Variants in KIAA1217 observed in about 807,000 individuals in gnomAD.
The protein encoded by KIAA1217 is sickle tail protein homolog.
KIAA1217 carries 88 observed loss-of-function variants against 163.9 expected under a neutral mutation model. The ratio of observed to expected loss-of-function variants is 0.54; its 90% CI spans 0.45 to 0.64. The LOEUF is 0.64. KIAA1217 is among the 30% of genes least tolerant of loss of function. The pLI, the probability that KIAA1217 is intolerant of heterozygous loss-of-function variation, is 0.00. For missense variants in KIAA1217, 2,372 were observed against 2,475.0 expected, an observed-to-expected ratio of 0.96 and a Z score of 0.88; for synonymous variants, 903 against 923.1, an observed-to-expected ratio of 0.98 and a Z score of 0.39.
chr10:23,896,089 A>G (rs527740093), intron 1 of KIAA1217, among the ~76,000 whole-genome samples: 123 of 151,948 alleles, frequency 8.1e-4, no homozygotes, highest in African/African-American at 2.7e-3. Flanking sequence ...ACATGTATAC[A>G]TATGTAACTA....
chr10:23,857,014 C>G (rs1259497425), intron 1 of KIAA1217, among the ~76,000 whole-genome samples: 2 of 152,206 alleles, frequency 1.3e-5, no homozygotes, highest in Non-Finnish European at 2.9e-5. Context: ...TGCGCTGCAC[C>G]CACTGTCCTG....
chr10:24,153,929 C>G (rs1247925468), intron 2 of KIAA1217, among the ~76,000 whole-genome samples: 2 of 151,818 alleles, frequency 1.3e-5, no homozygotes, highest in African/African-American at 4.8e-5. Context: ...ACCTGGGCAA[C>G]AGAGTAAGAC....
At chr10:24,390,271 G>T (rs547723527) in intron 3 of KIAA1217, among the ~76,000 whole-genome samples, 3 of 152,114 alleles carry the variant, frequency 2.0e-5, no homozygotes, top group Admixed American at 6.5e-5. Flanking sequence ...TGGAGGCTTG[G>T]CAGGGAGCTG....
chr10:24,062,234 C>T (rs2060752381), intron 2 of KIAA1217, among the ~76,000 whole-genome samples: 1 of 150,298 alleles, frequency 6.7e-6, no homozygotes, highest in Non-Finnish European at 1.5e-5. Flanking sequence ...GTGTGCTGCA[C>T]CCATTAACTC....
chr10:23,710,646 A>G (rs193069176), intron 1 of KIAA1217, among the ~76,000 whole-genome samples: 3 of 152,338 alleles, frequency 2.0e-5, no homozygotes, highest in South Asian at 4.1e-4. Context: ...TTTTTGGAAA[A>G]TTCATTATAT....
At chr10:24,067,551 C>A (rs920717807) in intron 2 of KIAA1217, among the ~76,000 whole-genome samples, 1 of 152,224 alleles carries the variant, frequency 6.6e-6, no homozygotes, top group Admixed American at 6.5e-5. Context: ...CAGTCCGCCC[C>A]TACTGGGGGA....
intron 9 of KIAA1217, among the ~76,000 whole-genome samples, chr10:24,508,494 T>C (rs1203721168): frequency 6.6e-6 from 1 of 152,176 alleles, no homozygotes; most frequent in Non-Finnish European, 1.5e-5. Context: ...GCAAGTTCAG[T>C]ATGGCTAGAG....
chr10:23,770,455 T>C (rs1450102348), intron 1 of KIAA1217, among the ~76,000 whole-genome samples: 1 of 152,152 alleles, frequency 6.6e-6, no homozygotes, highest in Non-Finnish European at 1.5e-5. Context: ...TACTCACTGA[T>C]AGGTAAAGTT....
intron 1 of KIAA1217, among the ~76,000 whole-genome samples, chr10:23,776,700 C>T (rs12266547): frequency 7.0e-4 from 60 of 85,882 alleles, no homozygotes; most frequent in South Asian, 6.9e-3. Context: ...TTTTTTTTTG[C>T]GACAGAGTCT....
At position 24,529,313 on chromosome 10, in the gene KIAA1217, C is replaced by T. The variant is rs118102413; in HGVS notation, c.3082+1194C>T. Among the ~76,000 whole-genome samples the T allele has an allele frequency of 4.0e-4, 61 of 152,224 alleles. No homozygotes were observed. The East Asian group carries it at 9.3e-3, about 23-fold the overall frequency. ...TACTCACATCCTCCCATATACTTTA[C>T]GGGCCAGAACACTTCAGCAGTGTGA... On this transcript the variant is annotated intron_variant, in intron 14 of 20. Transcript: ENST00000376454.
intron 2 of KIAA1217, among the ~76,000 whole-genome samples, chr10:24,335,434 A>C (rs1355154354): frequency 6.6e-6 from 1 of 151,816 alleles, no homozygotes; most frequent in Non-Finnish European, 1.5e-5. Context: ...CCGAGATTAC[A>C]GGCAGGTACC....
chr10:24,500,991 C>G (rs755096150), intron 8 of KIAA1217, among the ~76,000 whole-genome samples: 23 of 151,980 alleles, frequency 1.5e-4, no homozygotes, highest in Non-Finnish European at 2.9e-4. Flanking sequence ...ACCGTTAACA[C>G]TTTGTTTTAT....
Position 24,237,498 on chromosome 10 carries a change from G to A in KIAA1217, c.354+17589G>A, listed in dbSNP as rs532964097. 2.6e-5 allele frequency among the ~76,000 whole-genome samples: 4 copies of A among 152,262 alleles called. No homozygotes were observed. The East Asian group carries it at 7.7e-4, about 29-fold the overall frequency. Reference sequence around the variant, plus strand: ...TCTTTTCCAAGCCTGAATTCAATAAGCAAAAGCTGAGATACTGTAATTTCC... The same window carrying A: ...TCTTTTCCAAGCCTGAATTCAATAAACAAAAGCTGAGATACTGTAATTTCC... On this transcript the variant is annotated intron_variant, in intron 2 of 20. Transcript: ENST00000376454.
At chr10:24,470,773 A>G (rs995170455) in intron 5 of KIAA1217, among the ~76,000 whole-genome samples, 15 of 152,122 alleles carry the variant, frequency 9.9e-5, no homozygotes, top group African/African-American at 3.6e-4. Flanking sequence ...TTGTTGCTAC[A>G]TATTAGCACC....
chr10:23,934,568 T>C (rs1365106986), intron 1 of KIAA1217, among the ~76,000 whole-genome samples: 8 of 78,724 alleles, frequency 1.0e-4, no homozygotes, highest in African/African-American at 2.6e-4. Context: ...TATATATATA[T>C]ATATATATAT....
intron 8 of KIAA1217, among the ~76,000 whole-genome samples, chr10:24,499,139 C>T (rs1214550634): frequency 6.6e-6 from 1 of 152,124 alleles, no homozygotes; most frequent in African/African-American, 2.4e-5. Flanking sequence ...GTGCCTATCC[C>T]TCTCTGTCTG....
At chr10:23,771,072 A>C (rs967971657) in intron 1 of KIAA1217, among the ~76,000 whole-genome samples, 1 of 152,188 alleles carries the variant, frequency 6.6e-6, no homozygotes, top group Admixed American at 6.6e-5. Context: ...AAGAGCTGAA[A>C]TATTATTGCA....
At chr10:24,301,917 C>T (rs542625217) in intron 2 of KIAA1217, among the ~76,000 whole-genome samples, 5 of 151,990 alleles carry the variant, frequency 3.3e-5, no homozygotes, top group South Asian at 4.2e-4. Flanking sequence ...TGGTGGCGCC[C>T]GCCTATAATC....
intron 1 of KIAA1217, among the ~76,000 whole-genome samples, chr10:23,817,962 C>T (rs200713410): frequency 9.2e-5 from 5 of 54,252 alleles, no homozygotes; most frequent in East Asian, 6.2e-4. Flanking sequence ...TGTGGTGGCA[C>T]ATATATATAT....
Sources: allele counts gnomAD v4.1 joint callset (sites outside exome capture counted in the v4.1 genomes callset), GRCh38; gene constraint gnomAD v4.1.1; transcripts MANE v1.5; gene names NCBI Gene and HGNC (gene_info 2026-07-23, HGNC 2026-07-21).